KIAA0825: variants seen among roughly 807,000 people sequenced by gnomAD.
KIAA0825 encodes uncharacterized protein KIAA0825.
In KIAA0825, 119 loss-of-function variants were observed where a neutral mutation model predicts 147.6. The observed-to-expected ratio is 0.81, with a 90% CI of 0.69 to 0.94. KIAA0825 has a LOEUF of 0.94. KIAA0825 is among the 40% of genes least tolerant of loss of function. The pLI is 0.00. For missense variants in KIAA0825, 1,381 were observed against 1,472.7 expected (o/e 0.94, Z 1.02); for synonymous variants, 470 against 518.1 (o/e 0.91, Z 1.26).
At chr5:94,178,695 T>C (rs1228835746) in intron 20 of KIAA0825, among the ~76,000 whole-genome samples, 2 of 152,082 alleles carry the variant, frequency 1.3e-5, no homozygotes, top group African/African-American at 4.8e-5. Flanking sequence ...CTCCTTACAA[T>C]GCTATAGACA....
intron 20 of KIAA0825, among the ~76,000 whole-genome samples, chr5:94,258,035 T>C (rs184078177): frequency 6.6e-6 from 1 of 152,164 alleles, no homozygotes; most frequent in African/African-American, 2.4e-5. Flanking sequence ...GGAGCACGTG[T>C]ATGATGTTAA....
chr5:94,166,233 C>T (rs771630914), intron 20 of KIAA0825, among the ~76,000 whole-genome samples: 55 of 152,254 alleles, frequency 3.6e-4, no homozygotes, highest in Non-Finnish European at 6.3e-4. Flanking sequence ...TGGTTTTGTC[C>T]TCAGGGAGAT....
intron 5 of KIAA0825, among the ~76,000 whole-genome samples, chr5:94,505,228 G>A (rs1266827408): frequency 6.6e-6 from 1 of 151,898 alleles, no homozygotes; most frequent in East Asian, 2.0e-4. Context: ...AGGCTTGGTG[G>A]TGTGTGCCTG....
At chr5:94,537,647 C>CAAAAA (rs1162517096) in intron 2 of KIAA0825, among the ~76,000 whole-genome samples, 3 of 67,970 alleles carry the variant, frequency 4.4e-5, no homozygotes, top group African/African-American at 9.7e-5. Context: ...GACTCTGTCT[C>CAAAAA]AAAAAAAAAA....
At position 94,523,998 on chromosome 5, in the gene KIAA0825, A is replaced by T. The variant is rs1370963723; in HGVS notation, c.232T>A (p.Tyr78Asn). Reference sequence around the variant, plus strand: ...GATGATTCAGATGTACTGTAATTATAGTTAGTTAGCCATTCAAAGCAGTCA... The same window carrying T: ...GATGATTCAGATGTACTGTAATTATTGTTAGTTAGCCATTCAAAGCAGTCA... ...TTDCFEWLTNYNYSTSESSFI... is the reference protein window; with the variant it reads ...TTDCFEWLTNNNYSTSESSFI... The change falls in exon 4 of 21, where the codon TAT (tyrosine) becomes AAT (asparagine). Residue 78 changes from tyrosine (Y) to asparagine (N), a missense_variant. Physicochemically the swap from Tyr to Asn is moderately radical, Grantham distance 143 (BLOSUM62 -2). Coordinates refer to ENST00000682413, the MANE Select transcript of KIAA0825 (RefSeq NM_001145678.3). 6.2e-7 allele frequency: 1 copy of T among 1,609,480 alleles called. No homozygotes were observed. Among genetic ancestry groups the T allele is most frequent in the East Asian group, 2.2e-5 (1 of 44,724 alleles).
At chr5:94,489,887 CAAAAAAAAAAA>C (rs747717616) in intron 5 of KIAA0825, among the ~76,000 whole-genome samples, 1 of 58,162 alleles carries the variant, frequency 1.7e-5, no homozygotes, top group Admixed American at 1.9e-4. Flanking sequence ...GACTCTGTCT[CAAAAAAAAAAA>C]AAAAAAAAGA....
intron 5 of KIAA0825, among the ~76,000 whole-genome samples, chr5:94,494,099 A>G: frequency 6.6e-6 from 1 of 152,002 alleles, no homozygotes; most frequent in Non-Finnish European, 1.5e-5. Context: ...AAAAACTGAA[A>G]AGACACTGCT....
At chr5:94,539,241 TG>T (rs1332435884) in intron 2 of KIAA0825, among the ~76,000 whole-genome samples, 1 of 152,160 alleles carries the variant, frequency 6.6e-6, no homozygotes. Flanking sequence ...ATCCACCCCT[TG>T]TTTGGCATAT....
intron 20 of KIAA0825, among the ~76,000 whole-genome samples, chr5:94,308,362 T>A (rs997735798): frequency 6.6e-6 from 1 of 151,764 alleles, no homozygotes; most frequent in Non-Finnish European, 1.5e-5. Context: ...AATGATTAGA[T>A]GCAGTTTCAT....
intron 20 of KIAA0825, among the ~76,000 whole-genome samples, chr5:94,278,611 A>C (rs568978386): frequency 1.3e-5 from 2 of 152,224 alleles, no homozygotes; most frequent in South Asian, 4.1e-4. Flanking sequence ...CTGAGTTCAG[A>C]GCTCCATCAG....
At chr5:94,605,141 A>G (rs778925639) in intron 1 of KIAA0825, among the ~76,000 whole-genome samples, 3 of 152,200 alleles carry the variant, frequency 2.0e-5, no homozygotes, top group Admixed American at 6.5e-5. Flanking sequence ...AAACACCTCT[A>G]TGTAAATGAA....
At chr5:94,568,295 T>TTC (rs1358904905) in intron 2 of KIAA0825, 1 of 158,376 alleles carries the variant, frequency 6.3e-6, no homozygotes, top group Non-Finnish European at 1.4e-5. Context: ...CCTCACGGGC[T>TTC]TCTATTCCAT....
At chr5:94,474,517 T>C (rs768738284) in intron 7 of KIAA0825, among the ~76,000 whole-genome samples, 1 of 152,186 alleles carries the variant, frequency 6.6e-6, no homozygotes, top group Non-Finnish European at 1.5e-5. Context: ...TTGTATGATT[T>C]CTATGGTCCC....
At chr5:94,603,678 C>T (rs534165506) in intron 1 of KIAA0825, among the ~76,000 whole-genome samples, 5 of 152,248 alleles carry the variant, frequency 3.3e-5, no homozygotes, top group African/African-American at 9.6e-5. Flanking sequence ...CTGCAAGAAA[C>T]CCATCTCACA....
chr5:94,232,942 G>C (rs1774819845), intron 20 of KIAA0825, among the ~76,000 whole-genome samples: 1 of 152,082 alleles, frequency 6.6e-6, no homozygotes, highest in Admixed American at 6.5e-5. Context: ...GGATCAAGGA[G>C]TAATAGAATA....
At chr5:94,586,256 G>A (rs1355270052) in intron 1 of KIAA0825, among the ~76,000 whole-genome samples, 1 of 152,046 alleles carries the variant, frequency 6.6e-6, no homozygotes, top group Admixed American at 6.6e-5. Context: ...CCAGGAGCTG[G>A]TTTTCTAAAA....
At chr5:94,597,385 T>C (rs549334491) in intron 1 of KIAA0825, among the ~76,000 whole-genome samples, 3 of 152,224 alleles carry the variant, frequency 2.0e-5, no homozygotes, top group Middle Eastern at 3.4e-3. Context: ...AAACCCTCAA[T>C]ATTTGGAAGT....
chr5:94,458,301 A>G (rs764783829), intron 12 of KIAA0825, among the ~76,000 whole-genome samples: 1 of 152,194 alleles, frequency 6.6e-6, no homozygotes, highest in African/African-American at 2.4e-5. Flanking sequence ...TAACTGGCCC[A>G]TAGTAGATTC....
intron 14 of KIAA0825, among the ~76,000 whole-genome samples, chr5:94,419,512 A>G (rs1400890000): frequency 6.6e-6 from 1 of 152,106 alleles, no homozygotes; most frequent in Non-Finnish European, 1.5e-5. Context: ...TGTTCTACCC[A>G]GTAGAGTTTA....
Sources: gnomAD v4.1 joint callset for allele counts (sites outside exome capture counted in the v4.1 genomes callset) on GRCh38, gnomAD v4.1.1 for gene constraint, MANE v1.5 for transcripts, NCBI Gene and HGNC (gene_info 2026-07-23, HGNC 2026-07-21) for gene names.